The following ERBB4 variants were observed in gnomAD, a reference collection of about 807,000 sequenced individuals.
The protein encoded by ERBB4 is receptor tyrosine-protein kinase erbB-4.
ERBB4 carries 42 observed loss-of-function variants against 158.0 expected under a neutral mutation model. The ratio of observed to expected loss-of-function variants is 0.27; its 90% CI spans 0.21 to 0.34. ERBB4 has a LOEUF of 0.34. Among genes scored for constraint, ERBB4 ranks in the 10% least tolerant of loss-of-function variants. ERBB4 has a pLI of 1.00. For synonymous variants in ERBB4, 583 were observed against 558.7 expected, an observed-to-expected ratio of 1.04 and a Z score of -0.61; for missense variants, 1,333 against 1,624.1, an observed-to-expected ratio of 0.82 and a Z score of 3.08.
At chr2:211,869,990 G>A (rs975008343) in intron 3 of ERBB4, among the ~76,000 whole-genome samples, 1 of 152,088 alleles carries the variant, frequency 6.6e-6, no homozygotes, top group African/African-American at 2.4e-5. Context: ...GACCTAGACT[G>A]TCATATTTAG....
At chr2:211,625,395 C>T (rs1350721850) in intron 17 of ERBB4, among the ~76,000 whole-genome samples, 1 of 152,106 alleles carries the variant, frequency 6.6e-6, no homozygotes, top group Non-Finnish European at 1.5e-5. Context: ...TAACGGCCTA[C>T]TTAATTAGTG....
Position 211,702,171 on chromosome 2 carries a change from G to C in ERBB4, c.1290-5C>G. The C allele has an allele frequency of 6.2e-7, 1 of 1,612,772 alleles. No homozygotes were observed. On this transcript the variant is annotated splice_polypyrimidine_tract_variant and splice_region_variant and intron_variant, in intron 11 of 27. Coordinates refer to ENST00000342788, the MANE Select transcript of ERBB4 (RefSeq NM_005235.3). ...AGGATAAGCAAGGACAGGCCACTAA[G>C]GAGGGGGAAGTGAGAAAACGGAACC...
At chr2:212,360,879 A>T (rs2089662904) in intron 1 of ERBB4, among the ~76,000 whole-genome samples, 1 of 151,666 alleles carries the variant, frequency 6.6e-6, no homozygotes, top group African/African-American at 2.4e-5. Context: ...TGAAACAGAG[A>T]TGTCTCAATC....
intron 25 of ERBB4, among the ~76,000 whole-genome samples, chr2:211,400,938 A>C (rs1281774165): frequency 1.3e-5 from 2 of 152,092 alleles, no homozygotes; most frequent in Non-Finnish European, 2.9e-5. Context: ...AATATTTAAA[A>C]ATTTTTAAAA....
intron 18 of ERBB4, among the ~76,000 whole-genome samples, chr2:211,619,845 G>A (rs1181223059): frequency 6.6e-6 from 1 of 152,080 alleles, no homozygotes; most frequent in South Asian, 2.1e-4. Flanking sequence ...AGTGCTAGGG[G>A]ATATTGAGCA....
At chr2:212,224,690 C>A (rs10172782) in intron 1 of ERBB4, among the ~76,000 whole-genome samples, 1 of 151,526 alleles carries the variant, frequency 6.6e-6, no homozygotes, top group African/African-American at 2.4e-5. Context: ...ATGGTGGCAG[C>A]CAACACGTAG....
At chr2:212,112,499 T>C (rs189881952) in intron 2 of ERBB4, among the ~76,000 whole-genome samples, 4 of 152,246 alleles carry the variant, frequency 2.6e-5, no homozygotes, top group African/African-American at 9.6e-5. Flanking sequence ...TCTAAAATCC[T>C]GGTTTCTTTA....
rs552614371 is a variant in ERBB4, at chr2:211,641,209, T to C, written c.1947-10615A>G. Among the ~76,000 whole-genome samples, 185 of 152,206 alleles carry C rather than the reference T, an allele frequency of 1.2e-3. 1 individual carries two copies. The highest frequency in any genetic ancestry group is 4.3e-3 in the African/African-American group (177 of 41,536). On this transcript the variant is annotated intron_variant, in intron 16 of 27. Coordinates refer to ENST00000342788, the MANE Select transcript of ERBB4 (RefSeq NM_005235.3). ...GTACTTTATTTATTCTCTAGGAACA[T>C]TCAAAATGCAAAGGAAGAAAAATGT...
At chr2:212,028,544 T>C (rs1030086972) in intron 2 of ERBB4, among the ~76,000 whole-genome samples, 3 of 152,114 alleles carry the variant, frequency 2.0e-5, no homozygotes, top group Non-Finnish European at 4.4e-5. Context: ...CAAAGTACTT[T>C]TGTTTCGTTG....
At chr2:211,772,991 C>G (rs1339144457) in intron 4 of ERBB4, among the ~76,000 whole-genome samples, 1 of 135,632 alleles carries the variant, frequency 7.4e-6, no homozygotes, top group Non-Finnish European at 1.5e-5. Flanking sequence ...ACTCTGTTGC[C>G]CAGGTTGCTC....
intron 3 of ERBB4, among the ~76,000 whole-genome samples, chr2:211,797,908 G>C (rs1244021404): frequency 6.6e-6 from 1 of 151,950 alleles, no homozygotes; most frequent in Non-Finnish European, 1.5e-5. Flanking sequence ...TAAAGCACTG[G>C]TTGTCAAAAT....
At chr2:211,817,758 G>C (rs1307873236) in intron 3 of ERBB4, among the ~76,000 whole-genome samples, 2 of 152,148 alleles carry the variant, frequency 1.3e-5, no homozygotes, top group Non-Finnish European at 2.9e-5. Context: ...AAAGGTAAGA[G>C]ATGAGCCCTT....
At chr2:212,420,762 T>A (rs555558220) in intron 1 of ERBB4, among the ~76,000 whole-genome samples, 4 of 152,166 alleles carry the variant, frequency 2.6e-5, no homozygotes, top group Admixed American at 6.6e-5. Context: ...ACATCCTTCA[T>A]GACATGCATC....
intron 1 of ERBB4, among the ~76,000 whole-genome samples, chr2:212,178,102 G>A (rs1166611219): frequency 6.6e-6 from 1 of 151,492 alleles, no homozygotes; most frequent in East Asian, 1.9e-4. Flanking sequence ...TGATAGATAA[G>A]GCCGAAATAT....
intron 18 of ERBB4, among the ~76,000 whole-genome samples, chr2:211,620,949 A>T (rs202188912): frequency 6.9e-6 from 1 of 145,310 alleles, no homozygotes; most frequent in Non-Finnish European, 1.5e-5. Flanking sequence ...CTACTAAAAA[A>T]TAAAAAAATT....
At chr2:211,882,126 G>C (rs969248847) in intron 3 of ERBB4, among the ~76,000 whole-genome samples, 1 of 152,018 alleles carries the variant, frequency 6.6e-6, no homozygotes, top group African/African-American at 2.4e-5. Flanking sequence ...AGTTATGATG[G>C]GAAATCATTA....
chr2:211,394,896 T>A (rs2062877631), intron 25 of ERBB4, among the ~76,000 whole-genome samples: 1 of 152,126 alleles, frequency 6.6e-6, no homozygotes, highest in African/African-American at 2.4e-5. Context: ...TAGGTCTCAC[T>A]AAGTCACATG....
chr2:212,194,526 G>A (rs890495694), intron 1 of ERBB4, among the ~76,000 whole-genome samples: 2 of 151,982 alleles, frequency 1.3e-5, no homozygotes, highest in Non-Finnish European at 2.9e-5. Context: ...TCAAATGTGT[G>A]CTGACAATAC....
rs200513602 is a variant in ERBB4 at position 212,125,214 on chromosome 2, CAT to C, written c.83-313_83-312del. ...GTAAATACATTTACTTTTATTTAAA[CAT>C]TTTTTTTTTTAGGACATATGATTTA... On this transcript the variant is annotated intron_variant, in intron 1 of 27. Transcript: ENST00000342788. 9.0e-3 allele frequency: 1,703 copies of C among 189,318 alleles called. 8 individuals are homozygous for C. The highest frequency in any genetic ancestry group is 0.021 in the Middle Eastern group (13 of 624). 11.7% of individuals were successfully genotyped at this position (189,318 alleles called of 1,614,324 possible).
Sources: gnomAD v4.1 joint callset for allele counts (sites outside exome capture counted in the v4.1 genomes callset) on GRCh38, gnomAD v4.1.1 for gene constraint, MANE v1.5 for transcripts, NCBI Gene and HGNC (gene_info 2026-07-23, HGNC 2026-07-21) for gene names.